Variants in CATSPERT observed in about 807,000 individuals in gnomAD.
The protein encoded by CATSPERT is catsper channel auxiliary subunit tau.
At chr2:201,515,649 G>T in the CATSPERT span, among the ~76,000 whole-genome samples, 75 of 152,190 alleles carry the variant, frequency 4.9e-4, no homozygotes, top group Middle Eastern at 3.4e-3. Context: ...TACACATAGG[G>T]CACTCAGCCA....
the CATSPERT span, among the ~76,000 whole-genome samples, chr2:201,524,162 A>G: frequency 6.6e-6 from 1 of 152,160 alleles, no homozygotes; most frequent in Non-Finnish European, 1.5e-5. Flanking sequence ...CCCAAGACAT[A>G]TAGTCATCAG....
chr2:201,538,136 T>C, the CATSPERT span, among the ~76,000 whole-genome samples: 1 of 152,086 alleles, frequency 6.6e-6, no homozygotes, highest in Non-Finnish European at 1.5e-5. Flanking sequence ...AACTTCATCA[T>C]CTTGCATAAC....
chr2:201,551,591 C>G, the CATSPERT span, among the ~76,000 whole-genome samples: 3 of 152,166 alleles, frequency 2.0e-5, no homozygotes, highest in Non-Finnish European at 2.9e-5. Context: ...CTTGCTATAG[C>G]AGAGAGCTCA....
At chr2:201,493,226 A>C in the CATSPERT span, 1,535,582 of 1,536,556 alleles carry the variant, frequency 1, 767,310 homozygotes, top group East Asian at 1. Context: ...TTGTCTTTAC[A>C]AAGCCTCTGA....
chr2:201,518,475 G>T, the CATSPERT span, among the ~76,000 whole-genome samples: 29 of 152,350 alleles, frequency 1.9e-4, no homozygotes, highest in Non-Finnish European at 3.1e-4. Context: ...GAGGGTACAA[G>T]CATTCAGGCT....
chr2:201,586,872 T>C, the CATSPERT span, among the ~76,000 whole-genome samples: 1 of 152,112 alleles, frequency 6.6e-6, no homozygotes, highest in East Asian at 1.9e-4. Flanking sequence ...AATTTCTTCC[T>C]CTTGATTTCC....
the CATSPERT span, chr2:201,492,742 T>G: frequency 6.5e-7 from 1 of 1,535,404 alleles, no homozygotes; most frequent in African/African-American, 1.4e-5. Flanking sequence ...TTCAGAATAT[T>G]TCCCCTGAAA....
the CATSPERT span, among the ~76,000 whole-genome samples, chr2:201,598,183 C>G: frequency 6.6e-6 from 1 of 152,058 alleles, no homozygotes; most frequent in Non-Finnish European, 1.5e-5. Context: ...CTCACTGCAG[C>G]CTCAAACTAC....
At chr2:201,618,806 T>G in the CATSPERT span, 1 of 1,093,458 alleles carries the variant, frequency 9.1e-7, no homozygotes, top group Non-Finnish European at 1.3e-6. Context: ...GAGATGCAAT[T>G]GGCACACATT....
At chr2:201,534,029 A>C in the CATSPERT span, among the ~76,000 whole-genome samples, 1 of 146,140 alleles carries the variant, frequency 6.8e-6, no homozygotes, top group African/African-American at 2.6e-5. Context: ...ACGGAAAGAG[A>C]GATCTGTATA....
At chr2:201,605,237 A>C in the CATSPERT span, among the ~76,000 whole-genome samples, 1 of 152,128 alleles carries the variant, frequency 6.6e-6, no homozygotes. Context: ...AGCACAGACA[A>C]AATCATCCTG....
At chr2:201,493,007 CT>C in the CATSPERT span, 1 of 1,536,526 alleles carries the variant, frequency 6.5e-7, no homozygotes, top group Non-Finnish European at 8.7e-7. Flanking sequence ...TCTTGGAGTT[CT>C]TCAAGGTGTT....
At chr2:201,495,498 T>C in the CATSPERT span, among the ~76,000 whole-genome samples, 7 of 152,172 alleles carry the variant, frequency 4.6e-5, no homozygotes, top group Admixed American at 4.6e-4. Flanking sequence ...AAAATTCTTA[T>C]TGAAACTCTT....
chr2:201,497,983 G>A, the CATSPERT span, among the ~76,000 whole-genome samples: 1 of 152,068 alleles, frequency 6.6e-6, no homozygotes, highest in Non-Finnish European at 1.5e-5. Flanking sequence ...TTGACTTAAT[G>A]GAAAAACCCA....
At chr2:201,539,041 T>C in the CATSPERT span, among the ~76,000 whole-genome samples, 3 of 152,140 alleles carry the variant, frequency 2.0e-5, no homozygotes, top group Non-Finnish European at 4.4e-5. Context: ...GTATATGTAC[T>C]ACATTTTCTT....
At chr2:201,500,199 T>A in the CATSPERT span, among the ~76,000 whole-genome samples, 1 of 152,006 alleles carries the variant, frequency 6.6e-6, no homozygotes, top group Admixed American at 6.6e-5. Flanking sequence ...GTATCTTAAC[T>A]CTCTCTTCTG....
chr2:201,514,268 CTA>C, the CATSPERT span, among the ~76,000 whole-genome samples: 1 of 152,064 alleles, frequency 6.6e-6, no homozygotes, highest in Non-Finnish European at 1.5e-5. Context: ...TTTCTCATGA[CTA>C]TGTGTGAAAA....
the CATSPERT span, among the ~76,000 whole-genome samples, chr2:201,593,077 G>C: frequency 1.3e-5 from 2 of 151,806 alleles, no homozygotes; most frequent in South Asian, 4.2e-4. Context: ...TGATGTTAGG[G>C]TGTCAATTTT....
chr2:201,571,058 G>A, the CATSPERT span, among the ~76,000 whole-genome samples: 1 of 152,094 alleles, frequency 6.6e-6, no homozygotes, highest in African/African-American at 2.4e-5. Flanking sequence ...ATTAAACCAC[G>A]AGCTACTCAA....
Sources: gnomAD v4.1 joint callset for allele counts (sites outside exome capture counted in the v4.1 genomes callset) on GRCh38, gnomAD v4.1.1 for gene constraint, MANE v1.5 for transcripts, NCBI Gene and HGNC (gene_info 2026-07-23, HGNC 2026-07-21) for gene names.